ZSCAN10: variants seen among roughly 807,000 people sequenced by gnomAD.
ZSCAN10 encodes zinc finger and SCAN domain containing 10.
A neutral mutation model predicts 63.7 loss-of-function variants in ZSCAN10; 52 were observed. That is an observed-to-expected ratio of 0.82 (90% confidence interval 0.65 to 1.03). ZSCAN10 has a LOEUF of 1.03. Among genes scored for constraint, ZSCAN10 ranks in the 50% least tolerant of loss-of-function variants. The pLI is 0.00. For missense variants in ZSCAN10, 1,223 were observed against 1,103.8 expected, an observed-to-expected ratio of 1.11 and a Z score of -1.53; for synonymous variants, 544 against 479.6, an observed-to-expected ratio of 1.13 and a Z score of -1.76.
chr16:3,090,738 C>T, intron 5 of ZSCAN10, 92 bp from the exon 6 acceptor site: 2 of 1,401,264 alleles, frequency 1.4e-6, no homozygotes, highest in Non-Finnish European at 1.9e-6. Context: ...TGGAAAGAAA[C>T]CCAGGATCCT....
chr16:3,098,389 G>C (rs1269191507), intron 1 of ZSCAN10, among the ~76,000 whole-genome samples: 1 of 152,108 alleles, frequency 6.6e-6, no homozygotes, highest in East Asian at 1.9e-4. Flanking sequence ...CTAGAACACA[G>C]TGCCAAAGCT....
In ZSCAN10 at chr16:3,090,305, G is replaced by T; in HGVS notation, c.1129C>A (p.Leu377Met). The T allele has an allele frequency of 6.2e-7, 1 of 1,610,060 alleles. No homozygotes were observed. Among genetic ancestry groups the T allele is most frequent in the Non-Finnish European group, 8.5e-7 (1 of 1,178,952 alleles). The change falls in exon 6 of 6, where the codon CTG becomes ATG. Residue 377 changes from leucine (L) to methionine (M), a missense_variant. Coordinates refer to ENST00000576985, the MANE Select transcript of ZSCAN10 (RefSeq NM_032805.3). The part of the protein sequence containing the change: ...LRSHPAGRSF[L>M]CLCCGKSFGR... ...AAGCTCTTCCCGCAGCAAAGGCACA[G>T]GAAGGAGCGCCCAGCCGGGTGCGAG... is the stretch of plus-strand genomic sequence containing the variant.
intron 1 of ZSCAN10, among the ~76,000 whole-genome samples, chr16:3,097,910 G>A (rs1250937731): frequency 6.6e-6 from 1 of 151,966 alleles, no homozygotes; most frequent in African/African-American, 2.4e-5. Flanking sequence ...GGATGCGGTG[G>A]CTCATGCTTA....
In ZSCAN10 at chr16:3,092,973, C is replaced by G; in HGVS notation, c.-36G>C. 6 of 1,399,808 alleles carry G rather than the reference C, an allele frequency of 4.3e-6. No individual in the cohort carries two copies. Among genetic ancestry groups the G allele is most frequent in the Non-Finnish European group, 5.6e-6 (6 of 1,080,136 alleles). The allele number at this position is 1,399,808 out of a possible 1,614,324, so 86.7% of individuals were successfully genotyped here. ...GGGGATGCCTCCCTAACGCCAGCCCCGCTCTTGGGTCTCTCTCCTCTCCTC... is the reference window on the plus strand; with the variant it reads ...GGGGATGCCTCCCTAACGCCAGCCCGGCTCTTGGGTCTCTCTCCTCTCCTC... On this transcript the variant is annotated 5_prime_UTR_variant, in exon 2 of 6. Transcript: ENST00000576985.
chr16:3,091,976 C>T, intron 3 of ZSCAN10, 73 bp downstream of exon 3: 1 of 1,564,658 alleles, frequency 6.4e-7, no homozygotes, highest in Non-Finnish European at 8.7e-7. Context: ...GGCCCCACTT[C>T]TCACCCCACC....
intron 1 of ZSCAN10, among the ~76,000 whole-genome samples, chr16:3,095,204 G>C: frequency 6.6e-6 from 1 of 150,872 alleles, no homozygotes; most frequent in East Asian, 2.0e-4. Context: ...AACATGGCAC[G>C]ACCCCCGTCT....
At chr16:3,095,702 C>T (rs1957144261) in intron 1 of ZSCAN10, among the ~76,000 whole-genome samples, 1 of 151,202 alleles carries the variant, frequency 6.6e-6, no homozygotes, top group Non-Finnish European at 1.5e-5. Flanking sequence ...GTGGCGGGTG[C>T]CTGTGGTCCC....
chr16:3,090,787 C>T (rs1288502199), intron 5 of ZSCAN10, 141 bp from the exon 6 acceptor site: 2 of 1,044,110 alleles, frequency 1.9e-6, no homozygotes, highest in African/African-American at 1.6e-5. Context: ...CAGTGGTTCA[C>T]GCCTGTAATT....
At chr16:3,091,464 G>C in intron 5 of ZSCAN10, 76 bp downstream of exon 5, 1 of 1,520,688 alleles carries the variant, frequency 6.6e-7, no homozygotes, top group Non-Finnish European at 9.1e-7. Flanking sequence ...GCAACATAGC[G>C]AGATTCCATC....
chr16:3,096,742 A>C (rs1957157694), intron 1 of ZSCAN10, among the ~76,000 whole-genome samples: 2 of 152,136 alleles, frequency 1.3e-5, no homozygotes, highest in African/African-American at 4.8e-5. Context: ...AGCCTGATCA[A>C]TATGGTGAAA....
At chr16:3,096,170 C>T (rs541632612) in intron 1 of ZSCAN10, among the ~76,000 whole-genome samples, 4 of 152,340 alleles carry the variant, frequency 2.6e-5, no homozygotes, top group Admixed American at 2.6e-4. Flanking sequence ...GGACTCAGTT[C>T]AGCCCTGCTC....
chr16:3,088,999 G>T lies in ZSCAN10; in HGVS notation c.*92C>A. On this transcript the variant is annotated 3_prime_UTR_variant, in exon 6 of 6. Transcript: ENST00000576985. ...GTGAAAGTGGAAGGAGAGGGAAGTGGGGTGTGGTGGGAAGGGACATTCCTG... is the reference window on the plus strand; with the variant it reads ...GTGAAAGTGGAAGGAGAGGGAAGTGTGGTGTGGTGGGAAGGGACATTCCTG... The T allele has an allele frequency of 7.2e-7, 1 of 1,390,280 alleles. No individual in the cohort carries two copies. Among genetic ancestry groups the T allele is most frequent in the Non-Finnish European group, 9.3e-7 (1 of 1,080,026 alleles). 86.1% of individuals were successfully genotyped at this position (1,390,280 alleles called of 1,614,324 possible).
intron 1 of ZSCAN10, among the ~76,000 whole-genome samples, chr16:3,095,314 G>C (rs538018393): frequency 6.6e-4 from 101 of 152,164 alleles, no homozygotes; most frequent in African/African-American, 2.3e-3. Flanking sequence ...TCAGGAGATC[G>C]AGACCATCCT....
rs1371803319 is a variant in ZSCAN10 at position 3,090,396 on chromosome 16, C to T, written c.1038G>A (p.Gln346=). ...EGVPEPNPEL[Q]FICADCGVSF... is the part of the protein sequence containing the mutation. ...TCACCCCGCAGTCCGCGCAGATGAA[C>T]TGCAACTCCGGATTGGGCTCGGGGA... is the stretch of plus-strand genomic sequence containing the variant. Residue 346 remains glutamine, a synonymous_variant, in exon 6 of 6, where the codon CAG becomes CAA. Transcript: ENST00000576985. 1 of 1,613,688 alleles carries T rather than the reference C, an allele frequency of 6.2e-7. No homozygotes were observed. Among genetic ancestry groups the T allele is most frequent in the Admixed American group, 1.7e-5 (1 of 60,034 alleles).
At position 3,092,715 on chromosome 16, in the gene ZSCAN10, G is replaced by A; in HGVS notation, c.223C>T (p.Pro75Ser). Residue 75 changes from proline to serine, a missense_variant, in exon 2 of 6, where the codon CCG (proline) becomes TCG (serine). By Grantham distance (74) the Pro-to-Ser change is moderately conservative. Transcript: ENST00000576985. Reference protein sequence around the residue: ...LRELCGHWLRPALHTKKQILE... With the variant: ...LRELCGHWLRSALHTKKQILE... The stretch of plus-strand genomic sequence containing the variant: ...ATCTGTTTCTTGGTGTGCAGAGCCG[G>A]CCGCAGCCAGTGGCCGCAGAGCTCC... The A allele has an allele frequency of 6.2e-7, 1 of 1,612,896 alleles. No homozygotes were observed. The highest frequency in any genetic ancestry group is 8.5e-7 in the Non-Finnish European group (1 of 1,179,800).
At position 3,092,924 on chromosome 16, in the gene ZSCAN10, G is replaced by A; in HGVS notation, c.14C>T (p.Ser5Leu). 2 of 1,427,066 alleles carry A rather than the reference G, an allele frequency of 1.4e-6. No homozygotes were observed. Among genetic ancestry groups the A allele is most frequent in the Non-Finnish European group, 1.8e-6 (2 of 1,091,204 alleles). 88.4% of individuals were successfully genotyped at this position (1,427,066 alleles called of 1,614,324 possible). A position where few individuals can be genotyped will look rare whatever the true frequency, so the allele number is the denominator to read the frequency against. Residue 5 changes from serine to leucine, a missense_variant, in exon 2 of 6, where the codon TCA becomes TTA. By Grantham distance (145) the Ser-to-Leu change is moderately radical. Transcript: ENST00000576985. MLGESVPAAVEQEQL... is the reference protein window; with the variant it reads MLGELVPAAVEQEQL... Reference sequence around the variant, plus strand: ...CTCCTGCTCCACGGCAGCTGGGACTGATTCTCCAAGCATCCTTCACTGCGG... The same window carrying A: ...CTCCTGCTCCACGGCAGCTGGGACTAATTCTCCAAGCATCCTTCACTGCGG...
chr16:3,090,184 G>C lies in ZSCAN10; in HGVS notation c.1250C>G (p.Ser417Trp). The C allele has an allele frequency of 1.2e-6, 2 of 1,605,280 alleles. No homozygotes were observed. The highest frequency in any genetic ancestry group is 8.5e-7 in the Non-Finnish European group (1 of 1,179,098). Residue 417 changes from serine to tryptophan, a missense_variant, in exon 6 of 6, where the codon TCG (serine) becomes TGG (tryptophan). By Grantham distance (177) the Ser-to-Trp change is radical. Coordinates refer to ENST00000576985, the MANE Select transcript of ZSCAN10 (RefSeq NM_032805.3). The stretch of plus-strand genomic sequence containing the variant: ...GGTCAGCAGGTGCTTGCTCAGGTGC[G>C]AGCTCTGGCGGAAGCGGTGGCCGCA... ...HLCGHRFRQS[S>W]HLSKHLLTHS...
rs550601118 is a variant in ZSCAN10, at chr16:3,095,807, G to A, written c.-67-2803C>T. On this transcript the variant is annotated intron_variant, in intron 1 of 5. Transcript: ENST00000576985. Reference sequence around the variant, plus strand: ...CGCGCCACTGCACTCCAGCCTGGGCGACAGAGCCAGACTCCATCTCAAAAA... The same window carrying A: ...CGCGCCACTGCACTCCAGCCTGGGCAACAGAGCCAGACTCCATCTCAAAAA... Among the ~76,000 whole-genome samples, 73 of 145,176 alleles carry A rather than the reference G, an allele frequency of 5.0e-4. 1 individual carries two copies. In the South Asian group the frequency reaches 0.013, roughly 25 times the overall value.
In ZSCAN10 at chr16:3,092,645, G is replaced by T. The variant is rs780476545; in HGVS notation, c.293C>A (p.Pro98Gln). The change falls in exon 2 of 6, where the codon CCG becomes CAG. Residue 98 changes from proline (P) to glutamine (Q), a missense_variant. By Grantham distance (76) the Pro-to-Gln change is moderately conservative. Transcript: ENST00000576985. Reference protein sequence around the residue: ...VLEQFLSVLPPHLLGRLQGQP... With the variant: ...VLEQFLSVLPQHLLGRLQGQP... ...CCCCTGCAGGCGGCCCAGGAGGTGCGGAGGCAGCACACTCAGGAACTGCTC... is the reference window on the plus strand; with the variant it reads ...CCCCTGCAGGCGGCCCAGGAGGTGCTGAGGCAGCACACTCAGGAACTGCTC... 1.2e-6 allele frequency: 2 copies of T among 1,612,228 alleles called. No individual in the cohort carries two copies. The highest frequency in any genetic ancestry group is 4.5e-5 in the East Asian group (2 of 44,830).
Sources: gnomAD v4.1 joint callset for allele counts (sites outside exome capture counted in the v4.1 genomes callset) on GRCh38, gnomAD v4.1.1 for gene constraint, MANE v1.5 for transcripts, NCBI Gene and HGNC (gene_info 2026-07-23, HGNC 2026-07-21) for gene names.